HDAC9: variants seen among roughly 807,000 people sequenced by gnomAD.
HDAC9 encodes MEF-2 interacting transcription repressor (MITR) protein.
HDAC9 carries 41 observed loss-of-function variants against 139.4 expected under a neutral mutation model. The observed-to-expected ratio is 0.29, with a 90% CI of 0.23 to 0.38. HDAC9 has a LOEUF of 0.38. Among genes scored for constraint, HDAC9 ranks in the 10% least tolerant of loss-of-function variants. The pLI is 1.00. For synonymous variants in HDAC9, 517 were observed against 476.2 expected (o/e 1.09, Z -1.12); for missense variants, 1,147 against 1,297.0 (o/e 0.88, Z 1.78).
intron 21 of HDAC9, among the ~76,000 whole-genome samples, chr7:18,853,764 A>G (rs1209023436): frequency 6.6e-6 from 1 of 152,180 alleles, no homozygotes. Context: ...GCATTTACCT[A>G]TACCTTTACA....
chr7:18,666,660 T>C lies in HDAC9; in HGVS notation c.1731+184T>C, dbSNP rs1471710165. 3 of 1,401,008 alleles carry C rather than the reference T, an allele frequency of 2.1e-6. No homozygotes were observed. In the East Asian group the frequency reaches 7.6e-5, roughly 35 times the overall value. The allele number at this position is 1,401,008 out of a possible 1,614,324, so 86.8% of individuals were successfully genotyped here. A position where few individuals can be genotyped will look rare whatever the true frequency, so the allele number is the denominator to read the frequency against. On this transcript the variant is annotated intron_variant, in intron 12 of 25. Transcript: ENST00000686413. ...GTATATATCTATATAGAGGTCTTTC[T>C]ATATACTGATCTCTATATAGATATC...
chr7:18,288,296 G>A (rs1325523229), upstream of HDAC9, among the ~76,000 whole-genome samples: 1 of 152,182 alleles, frequency 6.6e-6, no homozygotes, highest in Admixed American at 6.5e-5. Context: ...ATTCTTCTTT[G>A]TGTGTTCTTT....
intron 1 of HDAC9, among the ~76,000 whole-genome samples, chr7:18,090,659 A>G (rs1019046759): frequency 2.6e-5 from 4 of 152,136 alleles, no homozygotes; most frequent in Admixed American, 2.6e-4. Context: ...TTGACGGGGG[A>G]CAGTAATGGA....
chr7:18,684,807 T>G (rs907857369), intron 12 of HDAC9, among the ~76,000 whole-genome samples: 1 of 151,986 alleles, frequency 6.6e-6, no homozygotes, highest in African/African-American at 2.4e-5. Context: ...TGAGTGAACT[T>G]TTTTCTTTGC....
intron 22 of HDAC9, among the ~76,000 whole-genome samples, chr7:18,907,237 T>C (rs917886126): frequency 2.0e-5 from 3 of 152,134 alleles, no homozygotes; most frequent in African/African-American, 4.8e-5. Flanking sequence ...TTTAGCTCAA[T>C]GTAGAAGAGA....
At chr7:18,608,646 T>C (rs12532942) in intron 6 of HDAC9, among the ~76,000 whole-genome samples, 70 of 152,202 alleles carry the variant, frequency 4.6e-4, no homozygotes, top group Non-Finnish European at 8.8e-5. Flanking sequence ...TATAATGTTG[T>C]TTTTATCCTG....
At chr7:18,377,281 G>A (rs1785065503) in intron 1 of HDAC9, among the ~76,000 whole-genome samples, 1 of 152,104 alleles carries the variant, frequency 6.6e-6, no homozygotes, top group Non-Finnish European at 1.5e-5. Context: ...GATTGGGTAG[G>A]ACCCAATCAC....
chr7:18,877,560 T>A (rs1799413254), intron 22 of HDAC9, among the ~76,000 whole-genome samples: 1 of 152,226 alleles, frequency 6.6e-6, no homozygotes, highest in Non-Finnish European at 1.5e-5. Flanking sequence ...GTTTTGAGGA[T>A]GCTATCCATG....
chr7:18,145,151 A>G (rs1483447510), intron 1 of HDAC9, among the ~76,000 whole-genome samples: 1 of 152,322 alleles, frequency 6.6e-6, no homozygotes, highest in African/African-American at 2.4e-5. Context: ...TTTTATTTGG[A>G]CAGTCAACAA....
At chr7:18,790,705 A>G (rs1211642060) in intron 16 of HDAC9, among the ~76,000 whole-genome samples, 1 of 152,184 alleles carries the variant, frequency 6.6e-6, no homozygotes, top group African/African-American at 2.4e-5. Flanking sequence ...TAGGTAAAAC[A>G]TAGGTTGAGG....
chr7:18,823,079 G>A (rs1335006546), intron 17 of HDAC9, among the ~76,000 whole-genome samples: 4 of 152,170 alleles, frequency 2.6e-5, no homozygotes, highest in Admixed American at 2.6e-4. Flanking sequence ...AGGGAGAGAG[G>A]AAAGCTGTGA....
At chr7:18,732,125 G>T (rs1278892185) in intron 13 of HDAC9, among the ~76,000 whole-genome samples, 2 of 152,182 alleles carry the variant, frequency 1.3e-5, no homozygotes, top group Admixed American at 6.5e-5. Context: ...CTCCCAAAGT[G>T]CTGGGATTAC....
chr7:18,882,527 TAAAC>T (rs1033324554), intron 22 of HDAC9, among the ~76,000 whole-genome samples: 3 of 151,696 alleles, frequency 2.0e-5, no homozygotes, highest in Admixed American at 6.6e-5. Context: ...AAACTGGAAA[TAAAC>T]AGTAAGAATT....
At chr7:18,092,489 C>T (rs1428576343) in intron 1 of HDAC9, among the ~76,000 whole-genome samples, 9 of 151,864 alleles carry the variant, frequency 5.9e-5, no homozygotes, top group African/African-American at 1.9e-4. Flanking sequence ...CCAAATCCCT[C>T]TGCAGAATTT....
intron 2 of HDAC9, among the ~76,000 whole-genome samples, chr7:18,230,363 G>A (rs1165213477): frequency 6.6e-6 from 1 of 152,180 alleles, no homozygotes; most frequent in Non-Finnish European, 1.5e-5. Context: ...TAAGCTTGGG[G>A]CACATGTTAC....
chr7:18,547,615 A>C (rs111474747), intron 2 of HDAC9, among the ~76,000 whole-genome samples: 3 of 152,328 alleles, frequency 2.0e-5, no homozygotes, highest in African/African-American at 7.2e-5. Flanking sequence ...AGATTTATCT[A>C]CAGCAAGTAA....
chr7:18,555,959 T>A (rs1818667548), intron 2 of HDAC9, among the ~76,000 whole-genome samples: 1 of 152,074 alleles, frequency 6.6e-6, no homozygotes, highest in Admixed American at 6.5e-5. Context: ...CAAAAGTAGA[T>A]CTCACAGTGA....
chr7:18,722,561 G>A (rs1785223969), intron 12 of HDAC9, among the ~76,000 whole-genome samples: 2 of 152,122 alleles, frequency 1.3e-5, no homozygotes, highest in Non-Finnish European at 2.9e-5. Flanking sequence ...ACTTCAATCA[G>A]TTCCAGAGAC....
intron 21 of HDAC9, among the ~76,000 whole-genome samples, chr7:18,837,184 C>T (rs968655845): frequency 1.3e-5 from 2 of 151,104 alleles, no homozygotes; most frequent in Non-Finnish European, 3.0e-5. Context: ...AAATTCTACC[C>T]ACATTCTGGA....
Sources: allele counts gnomAD v4.1 joint callset (sites outside exome capture counted in the v4.1 genomes callset), GRCh38; gene constraint gnomAD v4.1.1; transcripts MANE v1.5; gene names NCBI Gene and HGNC (gene_info 2026-07-23, HGNC 2026-07-21).